CYP3A4: variants seen among roughly 807,000 people sequenced by gnomAD.
CYP3A4 encodes the protein cytochrome P450 family 3 subfamily A member 4, also known as cytochrome P450 3A4.
Under a neutral mutation model 54.9 loss-of-function variants are expected in CYP3A4, and 41 were observed. The ratio of observed to expected loss-of-function variants is 0.75; its 90% CI spans 0.58 to 0.97. The LOEUF (loss-of-function observed/expected upper bound fraction) is 0.97, where lower values mean the gene tolerates loss of function less well. Among genes scored for constraint, CYP3A4 ranks in the 50% least tolerant of loss-of-function variants. CYP3A4 has a pLI of 0.00. For synonymous variants in CYP3A4, 179 were observed against 205.2 expected (o/e 0.87, Z 1.09); for missense variants, 510 against 597.3 (o/e 0.85, Z 1.52).
intron 12 of CYP3A4, among the ~76,000 whole-genome samples, chr7:99,759,154 T>C (rs1218329899): frequency 1.3e-5 from 2 of 152,138 alleles, no homozygotes; most frequent in Non-Finnish European, 2.9e-5. Flanking sequence ...ACAAATAATA[T>C]GGAATATGGA....
chr7:99,760,943 A>C lies in CYP3A4; in HGVS notation c.1292T>G (p.Ile431Arg). 13 of 1,614,068 alleles carry C rather than the reference A, an allele frequency of 8.1e-6. No homozygotes were observed. The highest frequency in any genetic ancestry group is 1.1e-5 in the Non-Finnish European group (13 of 1,179,960). The part of the protein sequence containing the change: ...KKNKDNIDPY[I>R]YTPFGSGPRN... ...GGGTCCACTTCCAAAGGGTGTGTAT[A>C]TGTAAGGATCTATGTTGTCCTTGTT... Residue 431 changes from isoleucine to arginine, a missense_variant, in exon 12 of 13, where the codon ATA (isoleucine) becomes AGA (arginine). By Grantham distance (97) the Ile-to-Arg change is moderately conservative. Coordinates refer to ENST00000651514, the MANE Select transcript of CYP3A4 (RefSeq NM_017460.6).
intron 12 of CYP3A4, 135 bp downstream of exon 12, chr7:99,760,684 A>G: frequency 8.5e-7 from 1 of 1,181,624 alleles, no homozygotes; most frequent in East Asian, 2.6e-5. Context: ...AAGATCACAG[A>G]TGGGCCTAAT....
chr7:99,773,659 G>T (rs1381099372), intron 3 of CYP3A4, among the ~76,000 whole-genome samples: 2 of 152,016 alleles, frequency 1.3e-5, no homozygotes, highest in South Asian at 4.1e-4. Context: ...GAGAACAAAG[G>T]CACAATGTAC....
intron 4 of CYP3A4, among the ~76,000 whole-genome samples, chr7:99,771,558 T>C (rs1220094881): frequency 6.6e-6 from 1 of 152,210 alleles, no homozygotes; most frequent in Non-Finnish European, 1.5e-5. Flanking sequence ...ATATATTTAA[T>C]TCAATTCTTG....
At chr7:99,774,176 G>T (rs894389383) in intron 3 of CYP3A4, among the ~76,000 whole-genome samples, 10 of 152,090 alleles carry the variant, frequency 6.6e-5, no homozygotes, top group Admixed American at 2.0e-4. Context: ...ACCAATAATA[G>T]GTTTTGAATT....
At position 99,772,633 on chromosome 7, in the gene CYP3A4, G is replaced by A. The variant is rs1815663396; in HGVS notation, c.275C>T (p.Thr92Ile). ...AGAATAACATTCTTTCACTAGCACT[G>A]TTTTGATCATGTCAGGATCTGTGAT... is the stretch of plus-strand genomic sequence containing the variant. ...LAITDPDMIK[T>I]VLVKECYSVF... The change falls in exon 4 of 13, where the codon ACA (threonine) becomes ATA (isoleucine). Residue 92 changes from threonine (T) to isoleucine (I), a missense_variant. Thr to Ile is a moderately conservative substitution (Grantham distance 89, BLOSUM62 -1). Coordinates refer to ENST00000651514, the MANE Select transcript of CYP3A4 (RefSeq NM_017460.6). The A allele has an allele frequency of 6.2e-7, 1 of 1,613,364 alleles. No homozygotes were observed. Among genetic ancestry groups the A allele is most frequent in the Non-Finnish European group, 8.5e-7 (1 of 1,179,506 alleles).
intron 4 of CYP3A4, among the ~76,000 whole-genome samples, chr7:99,770,763 G>T (rs150639557): frequency 6.6e-6 from 1 of 152,100 alleles, no homozygotes; most frequent in African/African-American, 2.4e-5. Flanking sequence ...AAGAAATAAT[G>T]CAATTCCATA....
At chr7:99,764,178 C>T (rs1316269998) in intron 9 of CYP3A4, among the ~76,000 whole-genome samples, 163 bp from the exon 10 acceptor site, 5 of 152,108 alleles carry the variant, frequency 3.3e-5, no homozygotes. Flanking sequence ...GTGTATCTTA[C>T]AGAACCAGAA....
Position 99,768,236 on chromosome 7 carries a change from A to G in CYP3A4, c.670+118T>C, listed in dbSNP as rs12721622. 6 of 1,160,998 alleles carry G rather than the reference A, an allele frequency of 5.2e-6. No homozygotes were observed. The Admixed American group carries it at 7.3e-5, about 14-fold the overall frequency. The allele number at this position is 1,160,998 out of a possible 1,614,324, so 71.9% of individuals were successfully genotyped here. On this transcript the variant is annotated intron_variant, in intron 7 of 12. Coordinates refer to ENST00000651514, the MANE Select transcript of CYP3A4 (RefSeq NM_017460.6). ...GATGGTCACACATATCTTCAAATGT[A>G]CTACAAATCACTGAACTGTATATTT... is the stretch of plus-strand genomic sequence containing the variant.
chr7:99,768,857 T>A lies in CYP3A4; in HGVS notation c.522-355A>T, dbSNP rs1249558124. Among the ~76,000 whole-genome samples, 8 of 152,290 alleles carry A rather than the reference T, an allele frequency of 5.3e-5. No homozygotes were observed. The East Asian group carries it at 9.6e-4, about 18-fold the overall frequency. On this transcript the variant is annotated intron_variant, in intron 6 of 12. Transcript: ENST00000651514. Reference sequence around the variant, plus strand: ...GTGCTTCAGCAGAACAAGAGTAGAATAATTAACTCTTCCTAAGGGGCTCAA... The same window carrying A: ...GTGCTTCAGCAGAACAAGAGTAGAAAAATTAACTCTTCCTAAGGGGCTCAA...
intron 9 of CYP3A4, among the ~76,000 whole-genome samples, chr7:99,766,158 C>A (rs549115449): frequency 4.6e-5 from 7 of 152,052 alleles, no homozygotes; most frequent in Non-Finnish European, 8.8e-5. Flanking sequence ...TTCTAGCATG[C>A]CAGGTTTGCT....
intron 12 of CYP3A4, 92 bp downstream of exon 12, chr7:99,760,727 A>C: frequency 6.7e-7 from 1 of 1,482,556 alleles, no homozygotes; most frequent in East Asian, 2.5e-5. Flanking sequence ...AATTAGTAAA[A>C]GATTAAACAA....
chr7:99,762,016 G>C (rs778487895), intron 11 of CYP3A4, 25 bp downstream of exon 11: 8 of 1,608,416 alleles, frequency 5.0e-6, no homozygotes, highest in Non-Finnish European at 6.8e-6. Flanking sequence ...GTTCAGGGAG[G>C]GCTCCCTTCC....
intron 1 of CYP3A4, 142 bp downstream of exon 1, chr7:99,783,869 A>G: frequency 1.1e-6 from 1 of 949,920 alleles, no homozygotes; most frequent in Non-Finnish European, 1.6e-6. Context: ...TTAGCCTCCC[A>G]AAGTGCTGGG....
intron 1 of CYP3A4, among the ~76,000 whole-genome samples, chr7:99,781,738 C>G (rs1484782216): frequency 6.6e-6 from 1 of 152,158 alleles, no homozygotes; most frequent in African/African-American, 2.4e-5. Context: ...TTCATATGGG[C>G]TTTTAGCTAA....
chr7:99,779,921 ATT>A (rs1221211917), intron 2 of CYP3A4, 69 bp downstream of exon 2: 1 of 1,443,116 alleles, frequency 6.9e-7, no homozygotes, highest in East Asian at 2.3e-5. Context: ...GAGGAGAAGC[ATT>A]TTTACTGATG....
intron 8 of CYP3A4, 158 bp downstream of exon 8, chr7:99,766,973 G>T: frequency 1.6e-6 from 1 of 619,674 alleles, no homozygotes; most frequent in Non-Finnish European, 2.6e-6. Flanking sequence ...CCCACTTTCT[G>T]CATTTCTACC....
chr7:99,769,591 C>G, intron 6 of CYP3A4, 177 bp downstream of exon 6: 1 of 626,856 alleles, frequency 1.6e-6, no homozygotes, highest in East Asian at 2.8e-5. Flanking sequence ...TTTCCTCCAG[C>G]TGCCCCACCT....
At chr7:99,766,207 C>T (rs561371985) in intron 9 of CYP3A4, among the ~76,000 whole-genome samples, 170 bp downstream of exon 9, 1 of 152,172 alleles carries the variant, frequency 6.6e-6, no homozygotes, top group East Asian at 1.9e-4. Flanking sequence ...GCTATCTATG[C>T]CTGCATGCCT....
Sources: gnomAD v4.1 joint callset for allele counts (sites outside exome capture counted in the v4.1 genomes callset) on GRCh38, gnomAD v4.1.1 for gene constraint, MANE v1.5 for transcripts, NCBI Gene and HGNC (gene_info 2026-07-23, HGNC 2026-07-21) for gene names.